The following FCRL3 variants were observed in gnomAD, a reference collection of about 807,000 sequenced individuals.
The protein encoded by FCRL3 is Fc receptor like 3.
Under a neutral mutation model 75.0 loss-of-function variants are expected in FCRL3, and 89 were observed. The observed-to-expected ratio is 1.19, with a 90% CI of 1.00 to 1.42. The LOEUF (loss-of-function observed/expected upper bound fraction) is 1.42, where lower values mean the gene tolerates loss of function less well. Among genes scored for constraint, FCRL3 ranks in the 40% most tolerant of loss-of-function variants. The pLI, the probability that FCRL3 is intolerant of heterozygous loss-of-function variation, is 0.00. For missense variants in FCRL3, 946 were observed against 880.0 expected (o/e 1.07, Z -0.95); for synonymous variants, 376 against 348.5 (o/e 1.08, Z -0.88).
intron 11 of FCRL3, among the ~76,000 whole-genome samples, chr1:157,682,817 T>C (rs964839247): frequency 6.6e-6 from 1 of 152,212 alleles, no homozygotes; most frequent in Non-Finnish European, 1.5e-5. Context: ...CCAATTTCAT[T>C]TCCTTCTGCA....
chr1:157,697,791 T>A lies in FCRL3; in HGVS notation c.427A>T (p.Ser143Cys). 2.5e-6 allele frequency: 4 copies of A among 1,614,182 alleles called. No homozygotes were observed. Among genetic ancestry groups the A allele is most frequent in the Non-Finnish European group, 3.4e-6 (4 of 1,180,034 alleles). ...ACTGTGATCTTCTCTAAATTATAAC[T>A]ATTAGGAAGCTGTTTTCCATCCTTG... ...YYKDGKQLPN[S>C]YNLEKITVNS... Residue 143 changes from serine (S) to cysteine (C), a missense_variant, in exon 5 of 15, where the codon AGT (serine) becomes TGT (cysteine). Transcript: ENST00000368184.
At position 157,695,687 on chromosome 1, in the gene FCRL3, A is replaced by T. The variant is rs954684881; in HGVS notation, c.1133-80T>A. ...CCTCTCTCAAGGAGCCTAGCAATGG[A>T]TATGTCCCTTGTCCCTTGATTGTTT... On this transcript the variant is annotated intron_variant, in intron 7 of 14. Transcript: ENST00000368184. 6.2e-6 allele frequency: 9 copies of T among 1,451,286 alleles called. No homozygotes were observed. In the African/African-American group the frequency reaches 1.1e-4, roughly 18 times the overall value. The allele number at this position is 1,451,286 out of a possible 1,614,324, so 89.9% of individuals were successfully genotyped here. A position where few individuals can be genotyped will look rare whatever the true frequency, so the allele number is the denominator to read the frequency against.
chr1:157,696,378 G>A, intron 6 of FCRL3, 51 bp from the exon 7 acceptor site: 2 of 1,599,194 alleles, frequency 1.3e-6, no homozygotes, highest in Non-Finnish European at 8.5e-7. Flanking sequence ...GGGACATCAA[G>A]GTCAAGGGGA....
chr1:157,695,185 A>G, intron 8 of FCRL3, 144 bp downstream of exon 8: 1 of 811,372 alleles, frequency 1.2e-6, no homozygotes, highest in East Asian at 2.5e-5. Context: ...AATCACTAGG[A>G]AGAATCCCAG....
At chr1:157,694,164 G>A (rs568578114) in intron 8 of FCRL3, among the ~76,000 whole-genome samples, 19 of 152,084 alleles carry the variant, frequency 1.2e-4, no homozygotes, top group Middle Eastern at 3.4e-3. Context: ...CATATATGTG[G>A]GGTATGTGTT....
chr1:157,690,707 G>A (rs1655471941), intron 8 of FCRL3, among the ~76,000 whole-genome samples, 174 bp from the exon 9 acceptor site: 1 of 152,112 alleles, frequency 6.6e-6, no homozygotes, highest in Non-Finnish European at 1.5e-5. Flanking sequence ...GATTTTTTAA[G>A]AACTTTTTAA....
intron 10 of FCRL3, among the ~76,000 whole-genome samples, chr1:157,685,925 G>T (rs1655146958): frequency 6.6e-6 from 1 of 152,046 alleles, no homozygotes; most frequent in Admixed American, 6.6e-5. Flanking sequence ...AACTATGCAT[G>T]TCCACTATCA....
In FCRL3 at chr1:157,680,760, T is replaced by G. The variant is rs777635841; in HGVS notation, c.1968A>C (p.Gly656=). ...TCTGGGAATAAATCGGGTTGCTATC[T>G]CCAGGATTTACTGTGAGAGAAGATA... ...LEPMYSNVNP[G]DSNPIYSQIW... The change falls in exon 13 of 15, where the codon GGA becomes GGC. Residue 656 remains glycine, a synonymous_variant. Coordinates refer to ENST00000368184, the MANE Select transcript of FCRL3 (RefSeq NM_052939.4). 3 of 1,614,068 alleles carry G rather than the reference T, an allele frequency of 1.9e-6. No homozygotes were observed. The Admixed American group carries it at 5.0e-5, about 27-fold the overall frequency.
rs1655904302 is a variant in FCRL3 at position 157,696,325 on chromosome 1, C to T, written c.847G>A (p.Val283Ile). ...SLRSQIRVQRVPVSNVNLEIR... is the reference protein window; with the variant it reads ...SLRSQIRVQRIPVSNVNLEIR... ...TCTAGATTCACATTAGACACAGGGA[C>T]TCCTGGGGGAACACAAGATGGCATG... Residue 283 changes from valine to isoleucine, a missense_variant and splice_region_variant, in exon 7 of 15, where the codon GTC becomes ATC. By Grantham distance (29) the Val-to-Ile change is conservative. Coordinates refer to ENST00000368184, the MANE Select transcript of FCRL3 (RefSeq NM_052939.4). The T allele has an allele frequency of 6.2e-7, 1 of 1,613,778 alleles. No individual in the cohort carries two copies. Among genetic ancestry groups the T allele is most frequent in the Non-Finnish European group, 8.5e-7 (1 of 1,179,782 alleles).
rs1250099908 is a variant in FCRL3 at position 157,690,505 on chromosome 1, G to C, written c.1440C>G (p.Leu480=). 2 of 1,614,126 alleles carry C rather than the reference G, an allele frequency of 1.2e-6. No homozygotes were observed. The highest frequency in any genetic ancestry group is 2.7e-5 in the African/African-American group (2 of 74,946). Residue 480 remains leucine (L), a synonymous_variant, in exon 9 of 15, where the codon CTC becomes CTG. Coordinates refer to ENST00000368184, the MANE Select transcript of FCRL3 (RefSeq NM_052939.4). The stretch of plus-strand genomic sequence containing the variant: ...CCACAGCCTGGGCCCCGGGAGCCCT[G>C]AGGGTGAGGACGGGGCGAGACACCG... ...TVPVSRPVLT[L]RAPGAQAVVG... is the part of the protein sequence containing the mutation.
At position 157,697,683 on chromosome 1, in the gene FCRL3, T is replaced by A; in HGVS notation, c.535A>T (p.Lys179Ter). The change falls in exon 5 of 15, where the codon AAA becomes TAA. Residue 179 changes from lysine to a stop codon, truncating the protein, a stop_gained. Transcript: ENST00000368184. LOFTEE classifies it high-confidence loss of function. Reference sequence around the variant, plus strand: ...CCTTGAACTTGGATATTTAGGGGTTTTGAAGTTACTTCAATGTCAAGTATG... The same window carrying A: ...CCTTGAACTTGGATATTTAGGGGTTATGAAGTTACTTCAATGTCAAGTATG... ...FYILDIEVTS[K>*]PLNIQVQELF... The A allele has an allele frequency of 6.2e-7, 1 of 1,613,932 alleles. No individual in the cohort carries two copies. Among genetic ancestry groups the A allele is most frequent in the Non-Finnish European group, 8.5e-7 (1 of 1,179,958 alleles).
At chr1:157,680,934 C>T (rs1188891648) in intron 12 of FCRL3, 47 bp downstream of exon 12, 7 of 1,512,060 alleles carry the variant, frequency 4.6e-6, no homozygotes, top group Non-Finnish European at 6.3e-6. Context: ...TCCCTCTTCC[C>T]TCCCTGGCTC....
In FCRL3 at chr1:157,689,868, C is replaced by T; in HGVS notation, c.1740G>A (p.Leu580=). ...CAGCAAGGACGAGGATGCTGAGCAC[C>T]AGCCCCGTGATTCCCGCAGCGGTAA... is the stretch of plus-strand genomic sequence containing the variant. ...TGLTAAGITG[L]VLSILVLAAA... Residue 580 remains leucine (L), a synonymous_variant, in exon 10 of 15, where the codon CTG becomes CTA. Transcript: ENST00000368184. 6.2e-7 allele frequency: 1 copy of T among 1,614,202 alleles called. No homozygotes were observed. Among genetic ancestry groups the T allele is most frequent in the Non-Finnish European group, 8.5e-7 (1 of 1,180,040 alleles).
At position 157,678,347 on chromosome 1, in the gene FCRL3, G is replaced by A; in HGVS notation, c.*363C>T. 4.7e-6 allele frequency: 5 copies of A among 1,059,636 alleles called. No homozygotes were observed. Among genetic ancestry groups the A allele is most frequent in the Non-Finnish European group, 5.7e-6 (5 of 876,298 alleles). 65.6% of individuals were successfully genotyped at this position (1,059,636 alleles called of 1,614,324 possible). A position where few individuals can be genotyped will look rare whatever the true frequency, so the allele number is the denominator to read the frequency against. On this transcript the variant is annotated 3_prime_UTR_variant, in exon 15 of 15. Transcript: ENST00000368184. The stretch of plus-strand genomic sequence containing the variant: ...TTGGAGCAAATTGTTTATACAGAGA[G>A]CACATTAACAGCTTTCGATCACACT...
At chr1:157,679,850 A>AAAAAAAAAAAAAAAAAAAAG (rs1654724449) in intron 13 of FCRL3, among the ~76,000 whole-genome samples, 1 of 149,758 alleles carries the variant, frequency 6.7e-6, no homozygotes, top group South Asian at 2.1e-4. Flanking sequence ...AAAAAAAAAA[A>AAAAAAAAAAAAAAAAAAAAG]AAAAAAAAAA....
chr1:157,680,844 T>A (rs1654790791), intron 12 of FCRL3, 74 bp from the exon 13 acceptor site: 1 of 1,502,622 alleles, frequency 6.7e-7, no homozygotes, highest in Non-Finnish European at 9.2e-7. Context: ...ATCACCAAAT[T>A]CATAACCAAC....
chr1:157,700,775 G>C, upstream of FCRL3: 1 of 1,255,298 alleles, frequency 8.0e-7, no homozygotes, highest in Non-Finnish European at 1.0e-6. Context: ...ACTGTGCCTG[G>C]GTTCTCTAGA....
Position 157,696,327 on chromosome 1 carries a change from C to G in FCRL3, c.845G>C (p.Arg282Thr), listed in dbSNP as rs376853177. Residue 282 changes from arginine (R) to threonine (T), a missense_variant and splice_region_variant, in exon 7 of 15, where the codon AGA becomes ACA. Coordinates refer to ENST00000368184, the MANE Select transcript of FCRL3 (RefSeq NM_052939.4). Reference sequence around the variant, plus strand: ...TAGATTCACATTAGACACAGGGACTCCTGGGGGAACACAAGATGGCATGTG... The same window carrying G: ...TAGATTCACATTAGACACAGGGACTGCTGGGGGAACACAAGATGGCATGTG... Reference protein sequence around the residue: ...RSLRSQIRVQRVPVSNVNLEI... With the variant: ...RSLRSQIRVQTVPVSNVNLEI... 12 of 1,613,612 alleles carry G rather than the reference C, an allele frequency of 7.4e-6. No homozygotes were observed. The highest frequency in any genetic ancestry group is 1.0e-5 in the Non-Finnish European group (12 of 1,179,684).
rs886575457 is a variant in FCRL3 at position 157,683,146 on chromosome 1, A to T, written c.1838+71T>A. The T allele has an allele frequency of 3.3e-6, 5 of 1,538,418 alleles. No individual in the cohort carries two copies. In the African/African-American group the frequency reaches 7.0e-5, roughly 22 times the overall value. On this transcript the variant is annotated intron_variant, in intron 11 of 14. Coordinates refer to ENST00000368184, the MANE Select transcript of FCRL3 (RefSeq NM_052939.4). ...AGGAAATCCATTGAAATTTAAAAAA[A>T]AACATAAACAAGTCTCGTGCATATA...
Sources: gnomAD v4.1 joint callset for allele counts (sites outside exome capture counted in the v4.1 genomes callset) on GRCh38, gnomAD v4.1.1 for gene constraint, MANE v1.5 for transcripts, NCBI Gene and HGNC (gene_info 2026-07-23, HGNC 2026-07-21) for gene names.